The following PAM16 variants were observed in gnomAD, a reference collection of about 807,000 sequenced individuals.
PAM16 encodes the protein mitochondrial import inner membrane translocase subunit TIM16.
Under a neutral mutation model 17.9 loss-of-function variants are expected in PAM16, and 11 were observed. The ratio of observed to expected loss-of-function variants is 0.62; its 90% CI spans 0.39 to 1.02. The LOEUF is 1.02. Among genes scored for constraint, PAM16 ranks in the 50% least tolerant of loss-of-function variants. The probability of loss-of-function intolerance (pLI) is 0.01; values close to 1 mark genes in which losing one functional copy is unlikely to be tolerated. For synonymous variants in PAM16, 72 were observed against 67.4 expected (o/e 1.07, Z -0.34); for missense variants, 199 against 165.4 (o/e 1.20, Z -1.11).
At chr16:4,340,429 C>G in intron 4 of PAM16, 24 bp from the exon 5 acceptor site, 11 of 1,606,332 alleles carry the variant, frequency 6.8e-6, no homozygotes, top group Non-Finnish European at 9.3e-6. Context: ...GATAATCAGG[C>G]CGGGAGGCCA....
chr16:4,351,207 CG>C, intron 1 of PAM16, 24 bp downstream of exon 1: 1 of 1,384,174 alleles, frequency 7.2e-7, no homozygotes, highest in Non-Finnish European at 9.5e-7. Flanking sequence ...TTCCCCTCCC[CG>C]GTAGCGCCCG....
At chr16:4,343,448 T>C in intron 1 of PAM16, 157 bp from the exon 2 acceptor site, 6 of 1,435,700 alleles carry the variant, frequency 4.2e-6, no homozygotes, top group Non-Finnish European at 5.5e-6. Flanking sequence ...GCACCCTGAA[T>C]GAAAGCTTCC....
At position 4,341,423 on chromosome 16, in the gene PAM16, T is replaced by C; in HGVS notation, c.170A>G (p.Gln57Arg). The change falls in exon 3 of 5, where the codon CAG becomes CGG. Residue 57 changes from glutamine (Q) to arginine (R), a missense_variant. Physicochemically the swap from Gln to Arg is conservative, Grantham distance 43. Transcript: ENST00000318059. ...AASNLSGLSL[Q>R]EAQQILNVSK... The stretch of plus-strand genomic sequence containing the variant: ...CACGTTGAGAATCTGCTGTGCCTCC[T>C]GGAGGCTGAGGCCGGAGAGGTTGGA... The C allele has an allele frequency of 6.2e-7, 1 of 1,605,464 alleles. No individual in the cohort carries two copies. Among genetic ancestry groups the C allele is most frequent in the Non-Finnish European group, 8.5e-7 (1 of 1,176,788 alleles).
intron 1 of PAM16, among the ~76,000 whole-genome samples, chr16:4,345,012 G>A (rs1420035582): frequency 6.6e-6 from 1 of 152,060 alleles, no homozygotes; most frequent in Non-Finnish European, 1.5e-5. Context: ...GCCTAGGCTG[G>A]CCTGGGAAAG....
intron 1 of PAM16, 159 bp from the exon 2 acceptor site, chr16:4,343,450 A>G: frequency 7.0e-7 from 1 of 1,434,778 alleles, no homozygotes; most frequent in Non-Finnish European, 9.2e-7. Context: ...ACCCTGAATG[A>G]AAGCTTCCAT....
chr16:4,343,513 C>G (rs978275950), intron 1 of PAM16: 1 of 1,427,128 alleles, frequency 7.0e-7, no homozygotes, highest in Non-Finnish European at 9.1e-7. Flanking sequence ...TGAACTTGAC[C>G]GAGCTCCCAG....
At chr16:4,347,331 G>T (rs988577696) in intron 1 of PAM16, 1 of 152,084 alleles carries the variant, frequency 6.6e-6, no homozygotes, top group Non-Finnish European at 1.5e-5. Context: ...GGAGAGATGG[G>T]GTTTCGCCAT....
chr16:4,351,256 G>A lies in PAM16; in HGVS notation c.-22C>T, dbSNP rs539232715. 15 of 1,466,422 alleles carry A rather than the reference G, an allele frequency of 1.0e-5. No homozygotes were observed. The South Asian group carries it at 1.4e-4, about 14-fold the overall frequency. The allele number at this position is 1,466,422 out of a possible 1,614,324, so 90.8% of individuals were successfully genotyped here. A position where few individuals can be genotyped will look rare whatever the true frequency, so the allele number is the denominator to read the frequency against. Reference sequence around the variant, plus strand: ...CCATGGCAGCCGCTCTGCCTCCGGGGCTCAAACTCCGACTTCCTGGCCCCG... The same window carrying A: ...CCATGGCAGCCGCTCTGCCTCCGGGACTCAAACTCCGACTTCCTGGCCCCG... On this transcript the variant is annotated 5_prime_UTR_variant, in exon 1 of 5. Transcript: ENST00000318059.
intron 1 of PAM16, chr16:4,346,637 G>C (rs2053763826): frequency 6.6e-6 from 1 of 152,198 alleles, no homozygotes; most frequent in African/African-American, 2.4e-5. Context: ...CAGAACCCTA[G>C]CTTTCTTTCT....
rs1304117016 is a variant in PAM16 at position 4,341,456 on chromosome 16, G to A, written c.137C>T (p.Ala46Val). ...GAGGCCGGAGAGGTTGGAAGCGGCTGCAGACCGGTGTCCAGCGCGTCCTCG... is the reference window on the plus strand; with the variant it reads ...GAGGCCGGAGAGGTTGGAAGCGGCTACAGACCGGTGTCCAGCGCGTCCTCG... ...DARGRAGHRS[A>V]AASNLSGLSL... Residue 46 changes from alanine to valine, a missense_variant, in exon 3 of 5, where the codon GCA becomes GTA. Transcript: ENST00000318059. The A allele has an allele frequency of 3.1e-6, 5 of 1,609,796 alleles. No homozygotes were observed. The highest frequency in any genetic ancestry group is 1.7e-6 in the Non-Finnish European group (2 of 1,178,974).
chr16:4,345,003 C>G (rs530040405), intron 1 of PAM16, among the ~76,000 whole-genome samples: 1 of 152,182 alleles, frequency 6.6e-6, no homozygotes, highest in East Asian at 1.9e-4. Flanking sequence ...CAGCCAATAG[C>G]CTAGGCTGGC....
chr16:4,341,032 G>A (rs1163140511), intron 3 of PAM16, 47 bp from the exon 4 acceptor site: 1 of 1,608,152 alleles, frequency 6.2e-7, no homozygotes, highest in Non-Finnish European at 8.5e-7. Flanking sequence ...CTGCAGGCAA[G>A]AGATGTTGGG....
At chr16:4,343,808 T>C (rs897392863) in intron 1 of PAM16, 2 of 400,276 alleles carry the variant, frequency 5.0e-6, no homozygotes, top group Non-Finnish European at 8.8e-6. Context: ...AAAACAAACT[T>C]ACTATGCAAA....
chr16:4,343,121 G>T, intron 2 of PAM16, 86 bp downstream of exon 2: 1 of 1,578,386 alleles, frequency 6.3e-7, no homozygotes, highest in Non-Finnish European at 8.7e-7. Flanking sequence ...CTTCAGAACC[G>T]CCAGGCCTGA....
intron 1 of PAM16, among the ~76,000 whole-genome samples, chr16:4,350,010 TGTTA>T (rs2053822874): frequency 2.6e-5 from 4 of 152,164 alleles, no homozygotes; most frequent in African/African-American, 9.7e-5. Context: ...CTTATTACTA[TGTTA>T]GTTAAGAAGT....
intron 3 of PAM16, 40 bp from the exon 4 acceptor site, chr16:4,341,025 C>A: frequency 6.2e-7 from 1 of 1,611,284 alleles, no homozygotes; most frequent in Non-Finnish European, 8.5e-7. Context: ...CTGCAGACTG[C>A]AGGCAAGAGA....
At chr16:4,343,087 G>T in intron 2 of PAM16, 120 bp downstream of exon 2, 1 of 1,319,484 alleles carries the variant, frequency 7.6e-7, no homozygotes, top group East Asian at 2.5e-5. Context: ...CCCCCACCAT[G>T]GGAAGTGCCT....
intron 1 of PAM16, among the ~76,000 whole-genome samples, chr16:4,348,854 A>G (rs1394512889): frequency 6.7e-6 from 1 of 149,152 alleles, no homozygotes; most frequent in Non-Finnish European, 1.5e-5. Flanking sequence ...AGAGGGTTTC[A>G]CCGTGTTGCC....
In PAM16 at chr16:4,340,286, GA is replaced by G; in HGVS notation, c.*32del. 1.3e-6 allele frequency: 2 copies of G among 1,588,382 alleles called. No homozygotes were observed. Among genetic ancestry groups the G allele is most frequent in the Non-Finnish European group, 1.7e-6 (2 of 1,162,578 alleles). On this transcript the variant is annotated 3_prime_UTR_variant, in exon 5 of 5. Transcript: ENST00000318059. ...AAATTTATTACCAAGCTATAAATTA[GA>G]GGCGGCGGGGTGGGCGGGGGGAGCC...
Sources: gnomAD v4.1 joint callset for allele counts (sites outside exome capture counted in the v4.1 genomes callset) on GRCh38, gnomAD v4.1.1 for gene constraint, MANE v1.5 for transcripts, NCBI Gene and HGNC (gene_info 2026-07-23, HGNC 2026-07-21) for gene names.